The following BMP2K variants were observed in gnomAD, a reference collection of about 807,000 sequenced individuals.
BMP2K encodes the protein BMP-2-inducible protein kinase.
BMP2K carries 74 observed loss-of-function variants against 116.0 expected under a neutral mutation model. The ratio of observed to expected loss-of-function variants is 0.64; its 90% CI spans 0.53 to 0.77. The LOEUF is 0.77. BMP2K is among the 30% of genes least tolerant of loss of function. BMP2K has a pLI of 0.00. For missense variants in BMP2K, 1,365 were observed against 1,403.6 expected, an observed-to-expected ratio of 0.97 and a Z score of 0.44; for synonymous variants, 486 against 502.5, an observed-to-expected ratio of 0.97 and a Z score of 0.44.
At chr4:78,877,321 G>C (rs1560541911) in intron 13 of BMP2K, among the ~76,000 whole-genome samples, 1 of 151,684 alleles carries the variant, frequency 6.6e-6, no homozygotes, top group Non-Finnish European at 1.5e-5. Context: ...TGACTCTTTG[G>C]TTATAACACA....
At chr4:78,857,647 A>G (rs1731565773) in intron 7 of BMP2K, among the ~76,000 whole-genome samples, 2 of 152,106 alleles carry the variant, frequency 1.3e-5, no homozygotes, top group Non-Finnish European at 2.9e-5. Flanking sequence ...ACTGCATGGC[A>G]TTTAGGCCAC....
chr4:78,910,556 A>C, intron 15 of BMP2K, 54 bp from the exon 16 acceptor site: 1 of 1,354,202 alleles, frequency 7.4e-7, no homozygotes, highest in African/African-American at 1.5e-5. Flanking sequence ...ATTTAGTGCA[A>C]GAGGATTCTG....
intron 1 of BMP2K, among the ~76,000 whole-genome samples, chr4:78,798,211 A>C (rs1352580782): frequency 1.3e-5 from 2 of 152,198 alleles, no homozygotes; most frequent in African/African-American, 4.8e-5. Context: ...TTTTTAATGA[A>C]CTAGTTTCCT....
chr4:78,778,320 A>G (rs913864079), intron 1 of BMP2K, among the ~76,000 whole-genome samples: 13 of 152,156 alleles, frequency 8.5e-5, no homozygotes, highest in African/African-American at 3.1e-4. Flanking sequence ...CATTTTCAAT[A>G]AAAAAATAAT....
chr4:78,844,911 G>T lies in BMP2K; in HGVS notation c.547-17G>T. 6.3e-7 allele frequency: 1 copy of T among 1,577,308 alleles called. No individual in the cohort carries two copies. Among genetic ancestry groups the T allele is most frequent in the South Asian group, 1.1e-5 (1 of 88,530 alleles). On this transcript the variant is annotated splice_polypyrimidine_tract_variant and intron_variant, in intron 4 of 15. Coordinates refer to ENST00000502613, the MANE Select transcript of BMP2K (RefSeq NM_198892.2). ...CACTTTGAAAATACTACTCATTATT[G>T]ATTTTCTTTTCTTAAGGTAGAAAAT...
chr4:78,851,297 G>C (rs1036858049), intron 7 of BMP2K, among the ~76,000 whole-genome samples: 1 of 152,020 alleles, frequency 6.6e-6, no homozygotes, highest in African/African-American at 2.4e-5. Flanking sequence ...CACACCAAGG[G>C]ATAATGTCAG....
intron 15 of BMP2K, among the ~76,000 whole-genome samples, chr4:78,897,075 AG>A (rs1334138938): frequency 2.0e-5 from 3 of 151,354 alleles, no homozygotes; most frequent in Non-Finnish European, 4.4e-5. Flanking sequence ...AATACAATTT[AG>A]TATGATTTTA....
chr4:78,836,004 G>C (rs537550947), intron 3 of BMP2K, among the ~76,000 whole-genome samples: 1 of 151,938 alleles, frequency 6.6e-6, no homozygotes, highest in Non-Finnish European at 1.5e-5. Context: ...CCATTTAATG[G>C]TGTCTGTAGT....
chr4:78,782,665 A>T (rs1486471186), intron 1 of BMP2K, among the ~76,000 whole-genome samples: 1 of 152,228 alleles, frequency 6.6e-6, no homozygotes, highest in African/African-American at 2.4e-5. Context: ...AATAACCCAG[A>T]TGCCCCCTTG....
At chr4:78,907,072 C>T (rs1048149250) in intron 15 of BMP2K, among the ~76,000 whole-genome samples, 3 of 151,536 alleles carry the variant, frequency 2.0e-5, no homozygotes, top group African/African-American at 4.9e-5. Flanking sequence ...TCTAAAATGC[C>T]GAAAAACTAG....
At chr4:78,893,930 G>T (rs1733570614) in intron 15 of BMP2K, among the ~76,000 whole-genome samples, 1 of 152,192 alleles carries the variant, frequency 6.6e-6, no homozygotes, top group Admixed American at 6.5e-5. Context: ...ATTTTAGCAG[G>T]CATGAAAACA....
chr4:78,842,921 G>T (rs565951546), intron 4 of BMP2K, among the ~76,000 whole-genome samples: 1 of 152,112 alleles, frequency 6.6e-6, no homozygotes, highest in African/African-American at 2.4e-5. Flanking sequence ...GTTCTCAAGA[G>T]ATACTGGAGG....
chr4:78,877,549 A>G (rs1732688450), intron 13 of BMP2K, among the ~76,000 whole-genome samples: 1 of 152,206 alleles, frequency 6.6e-6, no homozygotes, highest in Non-Finnish European at 1.5e-5. Flanking sequence ...AATAACAGGC[A>G]TGGAGCTGTC....
chr4:78,895,064 C>CG (rs375661225), intron 15 of BMP2K, among the ~76,000 whole-genome samples: 3 of 152,150 alleles, frequency 2.0e-5, no homozygotes, highest in Non-Finnish European at 4.4e-5. Flanking sequence ...CATCAAAGAT[C>CG]ACTGATCACA....
At chr4:78,858,783 G>A (rs1378705588) in intron 7 of BMP2K, among the ~76,000 whole-genome samples, 1 of 105,270 alleles carries the variant, frequency 9.5e-6, no homozygotes, top group African/African-American at 1.0e-4. Flanking sequence ...TAACAACTTA[G>A]AGTTAATGAA....
At chr4:78,896,301 A>G (rs988975294) in intron 15 of BMP2K, among the ~76,000 whole-genome samples, 1 of 152,190 alleles carries the variant, frequency 6.6e-6, no homozygotes, top group Non-Finnish European at 1.5e-5. Flanking sequence ...TACTCAAAGC[A>G]TGTGTATTGA....
In BMP2K at chr4:78,901,347, C is replaced by T. The variant is rs189207766; in HGVS notation, c.2063-9263C>T. On this transcript the variant is annotated intron_variant, in intron 15 of 15. Coordinates refer to ENST00000502613, the MANE Select transcript of BMP2K (RefSeq NM_198892.2). The stretch of plus-strand genomic sequence containing the variant: ...AAGTGCTGGGATTACAGGCAAGAGC[C>T]ATTGTGCCCAGCCCAAACTTCTTGT... 2.1e-3 allele frequency among the ~76,000 whole-genome samples: 321 copies of T among 152,194 alleles called. 1 individual carries two copies. The highest frequency in any genetic ancestry group is 7.1e-3 in the African/African-American group (294 of 41,534).
At chr4:78,794,263 T>A (rs1410108252) in intron 1 of BMP2K, among the ~76,000 whole-genome samples, 1 of 152,164 alleles carries the variant, frequency 6.6e-6, no homozygotes, top group African/African-American at 2.4e-5. Context: ...ATTCTTGACC[T>A]CTCAAGTTGG....
rs1259052291 is a variant in BMP2K at position 78,776,702 on chromosome 4, G to C, written c.159G>C (p.Leu53=). The C allele has an allele frequency of 1.6e-6, 2 of 1,264,276 alleles. No individual in the cohort carries two copies. The highest frequency in any genetic ancestry group is 3.0e-5 in the African/African-American group (2 of 65,602). The allele number at this position is 1,264,276 out of a possible 1,614,324, so 78.3% of individuals were successfully genotyped here. ...CGGTCGGCCGCCACCAGGTCACCCT[G>C]GAAGAGTCGCTGGCCGAAGGTACGG... is the stretch of plus-strand genomic sequence containing the variant. The part of the protein sequence containing the change: ...VFAVGRHQVT[L]EESLAEGGFS... The change falls in exon 1 of 16, where the codon CTG becomes CTC. Residue 53 remains leucine (L), a synonymous_variant. Coordinates refer to ENST00000502613, the MANE Select transcript of BMP2K (RefSeq NM_198892.2).
Sources: gnomAD v4.1 joint callset for allele counts (sites outside exome capture counted in the v4.1 genomes callset) on GRCh38, gnomAD v4.1.1 for gene constraint, MANE v1.5 for transcripts, NCBI Gene and HGNC (gene_info 2026-07-23, HGNC 2026-07-21) for gene names.